CEP85L: variants seen among roughly 807,000 people sequenced by gnomAD.
The protein encoded by CEP85L is centrosomal protein of 85 kDa-like.
In CEP85L, 60 loss-of-function variants were observed where a neutral mutation model predicts 100.3. The ratio of observed to expected loss-of-function variants is 0.60; its 90% confidence interval spans 0.49 to 0.74. The LOEUF is 0.74. Among genes scored for constraint, CEP85L ranks in the 30% least tolerant of loss-of-function variants. The pLI, the probability that CEP85L is intolerant of heterozygous loss-of-function variation, is 0.00. For synonymous variants in CEP85L, 319 were observed against 322.7 expected (o/e 0.99, Z 0.12); for missense variants, 973 against 936.2 (o/e 1.04, Z -0.51).
intron 1 of CEP85L, among the ~76,000 whole-genome samples, chr6:118,708,218 C>T (rs1028531228): frequency 9.9e-5 from 15 of 152,226 alleles, no homozygotes; most frequent in African/African-American, 3.6e-4. Context: ...CCTTAAGTTA[C>T]TCACAGCCTG....
Position 118,600,294 on chromosome 6 carries a change from C to G in CEP85L, c.232+32159G>C, listed in dbSNP as rs192360616. ...CTAGTACTGCCTGTCCCTGAGCCTT[C>G]CTGGGGGTGTGTGTGTGTGTGTGTG... On this transcript the variant is annotated intron_variant, in intron 2 of 12. Transcript: ENST00000368491. Among the ~76,000 whole-genome samples, 3 of 426 alleles carry G rather than the reference C, an allele frequency of 7.0e-3. 1 individual carries two copies. Among genetic ancestry groups the G allele is most frequent in the African/African-American group, 0.033 (3 of 90 alleles). The allele number at this position is 426 out of a possible 152,430, so 0.3% of individuals were successfully genotyped here. A position where few individuals can be genotyped will look rare whatever the true frequency, so the allele number is the denominator to read the frequency against.
intron 2 of CEP85L, among the ~76,000 whole-genome samples, chr6:118,567,249 GTATATATATATATATATATATATATA>G: frequency 2.3e-5 from 1 of 43,778 alleles, no homozygotes; most frequent in Non-Finnish European, 4.4e-5. Flanking sequence ...GTGTGTGTGT[GTATATATATATATATATATATATATA>G]TATATATATA....
intron 3 of CEP85L, among the ~76,000 whole-genome samples, chr6:118,532,934 T>C (rs1207532365): frequency 1.3e-5 from 2 of 152,124 alleles, no homozygotes; most frequent in Non-Finnish European, 2.9e-5. Context: ...ACAACACACT[T>C]CTAAATAATA....
intron 1 of CEP85L, among the ~76,000 whole-genome samples, chr6:118,677,314 A>C (rs933051116): frequency 6.6e-6 from 1 of 152,200 alleles, no homozygotes; most frequent in Non-Finnish European, 1.5e-5. Flanking sequence ...CTTATCTACC[A>C]GAACTAAAAT....
intron 4 of CEP85L, among the ~76,000 whole-genome samples, chr6:118,513,972 T>C (rs1221251652): frequency 6.6e-6 from 1 of 152,074 alleles, no homozygotes; most frequent in Non-Finnish European, 1.5e-5. Flanking sequence ...GTAGAATGTA[T>C]GACAAAACAG....
At chr6:118,692,633 A>T (rs1583265442) in intron 1 of CEP85L, among the ~76,000 whole-genome samples, 1 of 152,210 alleles carries the variant, frequency 6.6e-6, no homozygotes, top group East Asian at 1.9e-4. Flanking sequence ...AAAGAAAAAG[A>T]TTAACATCCC....
intron 2 of CEP85L, among the ~76,000 whole-genome samples, chr6:118,572,813 G>A (rs1385303967): frequency 1.3e-5 from 2 of 152,156 alleles, no homozygotes; most frequent in African/African-American, 2.4e-5. Flanking sequence ...TGTAATCCCA[G>A]CAATTTGGGA....
intron 6 of CEP85L, chr6:118,491,310 A>G: frequency 4.2e-6 from 1 of 240,612 alleles, no homozygotes; most frequent in Non-Finnish European, 7.1e-6. Flanking sequence ...CAGGGGCTTC[A>G]GTTTAATAAC....
At chr6:118,621,346 A>G (rs1773430453) in intron 2 of CEP85L, among the ~76,000 whole-genome samples, 2 of 152,130 alleles carry the variant, frequency 1.3e-5, no homozygotes, top group African/African-American at 2.4e-5. Flanking sequence ...AGAACGGTTC[A>G]CTGTTCTGGA....
At chr6:118,511,881 C>A in intron 4 of CEP85L, among the ~76,000 whole-genome samples, 1 of 150,962 alleles carries the variant, frequency 6.6e-6, no homozygotes. Flanking sequence ...TAAGAAAATC[C>A]ACATATAAAA....
At chr6:118,577,851 C>T (rs13437605) in intron 2 of CEP85L, among the ~76,000 whole-genome samples, 24,756 of 152,064 alleles carry the variant, frequency 0.16, 2,152 homozygotes, top group Non-Finnish European at 0.19. Context: ...ACCTTTACTC[C>T]CCTTGCAATT....
intron 1 of CEP85L, among the ~76,000 whole-genome samples, chr6:118,703,617 G>A (rs536615382): frequency 7.9e-5 from 12 of 152,274 alleles, no homozygotes; most frequent in African/African-American, 2.6e-4. Context: ...GTAACTTCAC[G>A]CATCCCTGTA....
upstream of CEP85L, chr6:118,652,349 A>AG (rs1775616416): frequency 3.0e-6 from 3 of 1,001,298 alleles, no homozygotes; most frequent in South Asian, 1.0e-4. Context: ...GTGCAGGAGG[A>AG]GACGTCCTAA....
At chr6:118,684,034 T>C (rs901498905) in intron 1 of CEP85L, among the ~76,000 whole-genome samples, 1 of 152,232 alleles carries the variant, frequency 6.6e-6, no homozygotes, top group Non-Finnish European at 1.5e-5. Flanking sequence ...TTTTCCCCAA[T>C]GATTTCATAT....
chr6:118,661,386 C>T (rs912174143), intron 1 of CEP85L, among the ~76,000 whole-genome samples: 2 of 151,998 alleles, frequency 1.3e-5, no homozygotes, highest in Non-Finnish European at 2.9e-5. Flanking sequence ...CTTGAAAAAC[C>T]AACTTAAAAA....
chr6:118,523,505 T>C (rs781304693), intron 4 of CEP85L, among the ~76,000 whole-genome samples: 9 of 152,242 alleles, frequency 5.9e-5, no homozygotes, highest in Non-Finnish European at 1.2e-4. Context: ...GTAGCTCTAA[T>C]AGCTGATTAG....
chr6:118,580,371 G>GA (rs1325707912), intron 2 of CEP85L, among the ~76,000 whole-genome samples: 1 of 152,202 alleles, frequency 6.6e-6, no homozygotes, highest in Admixed American at 6.5e-5. Flanking sequence ...AACATTCACT[G>GA]AAGTGGTGAT....
intron 4 of CEP85L, among the ~76,000 whole-genome samples, chr6:118,513,298 T>C (rs189779442): frequency 5.3e-5 from 8 of 152,190 alleles, no homozygotes; most frequent in Admixed American, 4.6e-4. Flanking sequence ...AATATTTGTG[T>C]ATAACAGGCC....
intron 4 of CEP85L, among the ~76,000 whole-genome samples, chr6:118,515,855 A>G (rs546155963): frequency 6.6e-5 from 10 of 152,160 alleles, no homozygotes; most frequent in African/African-American, 2.4e-4. Context: ...TGCTGCACCC[A>G]CATCATCTAC....
Sources: allele counts gnomAD v4.1 joint callset (sites outside exome capture counted in the v4.1 genomes callset), GRCh38; gene constraint gnomAD v4.1.1; transcripts MANE v1.5; gene names NCBI Gene and HGNC (gene_info 2026-07-23, HGNC 2026-07-21).